The following TTF2 variants were observed in gnomAD, a reference collection of about 807,000 sequenced individuals.
TTF2 encodes transcription termination factor 2.
In TTF2, 108 loss-of-function variants were observed where a neutral mutation model predicts 142.4. The ratio of observed to expected loss-of-function variants is 0.76; its 90% CI spans 0.65 to 0.89. The LOEUF is 0.89. Among genes scored for constraint, TTF2 ranks in the 40% least tolerant of loss-of-function variants. The pLI is 0.00. For synonymous variants in TTF2, 483 were observed against 506.2 expected (o/e 0.95, Z 0.61); for missense variants, 1,327 against 1,379.8 (o/e 0.96, Z 0.61).
At position 117,101,364 on chromosome 1, in the gene TTF2, TG is replaced by T. The variant is rs936956129; in HGVS notation, c.3345-15del. 1 of 1,568,974 alleles carries T rather than the reference TG, an allele frequency of 6.4e-7. No homozygotes were observed. Among genetic ancestry groups the T allele is most frequent in the Non-Finnish European group, 8.6e-7 (1 of 1,167,056 alleles). ...GGTTTTTGATAGTTTGCTTATTTTT[TG>T]TTTTTGTTTTTTAGATTTGTTTGTG... On this transcript the variant is annotated splice_polypyrimidine_tract_variant and intron_variant, in intron 22 of 22. Coordinates refer to ENST00000369466, the MANE Select transcript of TTF2 (RefSeq NM_003594.4). The surrounding 1 kb of genome is among the most constrained non-coding windows in gnomAD (Gnocchi z 5.9).
In TTF2 at chr1:117,097,433, G is replaced by A. The variant is rs2101221308; in HGVS notation, c.3269G>A (p.Trp1090Ter). The change falls in exon 21 of 23, where the codon TGG (tryptophan) becomes TAG (stop). Residue 1090 changes from tryptophan (W) to a stop codon, truncating the protein, a stop_gained and splice_region_variant. Transcript: ENST00000369466. LOFTEE classifies it high-confidence loss of function. The surrounding 1 kb of genome is among the most constrained non-coding windows in gnomAD (Gnocchi z 4.1). ...GNHLFLLDMH[W>*]NPSLEDQACD... ...CACCTCTTTCTTTTGGACATGCACT[G>A]GTAATGATTCCGGATTTGTCCTGGG... 4 of 1,614,126 alleles carry A rather than the reference G, an allele frequency of 2.5e-6. No homozygotes were observed. The highest frequency in any genetic ancestry group is 3.4e-6 in the Non-Finnish European group (4 of 1,179,994).
At position 117,106,517 on chromosome 1, in the gene TTF2, G is replaced by A. The variant is rs1347354146; in HGVS notation, c.*4993G>A. 6.6e-6 allele frequency: 1 copy of A among 152,158 alleles called. No individual in the cohort carries two copies. Among genetic ancestry groups the A allele is most frequent in the African/African-American group, 2.4e-5 (1 of 41,428 alleles). 9.4% of individuals were successfully genotyped at this position (152,158 alleles called of 1,614,324 possible). On this transcript the variant is annotated 3_prime_UTR_variant, in exon 23 of 23. Transcript: ENST00000369466. ...TATATGCCAGGCACTGCTGGGCACT[G>A]GAAATATAAAAGTAAGCAAAAATGA...
intron 11 of TTF2, among the ~76,000 whole-genome samples, chr1:117,084,711 A>G (rs1389853302): frequency 2.0e-5 from 3 of 152,200 alleles, no homozygotes; most frequent in Non-Finnish European, 4.4e-5. Context: ...GCTTCCCCAC[A>G]TGGCAATCTT....
At chr1:117,067,608 A>G (rs1656247085) in intron 3 of TTF2, among the ~76,000 whole-genome samples, 2 of 152,082 alleles carry the variant, frequency 1.3e-5, no homozygotes, top group South Asian at 4.1e-4. Flanking sequence ...ATTAAAAAAC[A>G]ATAACAACAG....
rs1279312446 is a variant in TTF2, at chr1:117,087,994, T to TA, written c.2161-806dup. Among the ~76,000 whole-genome samples, 6 of 152,254 alleles carry TA rather than the reference T, an allele frequency of 3.9e-5. No individual in the cohort carries two copies. Among genetic ancestry groups the TA allele is most frequent in the African/African-American group, 1.4e-4 (6 of 41,474 alleles). ...AGGTATTGAACTAGCCAGTGGGACTTACTATATCTATATCGTATTGTAATT... is the reference window on the plus strand; with the variant it reads ...AGGTATTGAACTAGCCAGTGGGACTTAACTATATCTATATCGTATTGTAATT... On this transcript the variant is annotated intron_variant, in intron 12 of 22. Transcript: ENST00000369466. The surrounding 1 kb of genome is among the most constrained non-coding windows in gnomAD (Gnocchi z 4.8).
In TTF2 at chr1:117,079,526, A is replaced by G; in HGVS notation, c.1702-42A>G. On this transcript the variant is annotated intron_variant, in intron 8 of 22. Transcript: ENST00000369466. The surrounding 1 kb of genome is among the most constrained non-coding windows in gnomAD (Gnocchi z 4.2). ...GTAGCCAGGCTCGGCATAGCCTCTC[A>G]TTAGGAATTTATGCTTAGCATTTGG... is the stretch of plus-strand genomic sequence containing the variant. 6.3e-7 allele frequency: 1 copy of G among 1,598,206 alleles called. No individual in the cohort carries two copies. The highest frequency in any genetic ancestry group is 8.6e-7 in the Non-Finnish European group (1 of 1,165,516).
chr1:117,068,642 CAT>C (rs943092356), intron 3 of TTF2, among the ~76,000 whole-genome samples: 1 of 149,732 alleles, frequency 6.7e-6, no homozygotes, highest in African/African-American at 2.4e-5. Context: ...TGAAACTTCA[CAT>C]GTCTAGAAAA....
Position 117,097,504 on chromosome 1 carries a change from G to T in TTF2, c.3269+71G>T. On this transcript the variant is annotated intron_variant, in intron 21 of 22. Transcript: ENST00000369466. This position sits in a 1 kb window ranked among gnomAD's most constrained non-coding sequence, Gnocchi z 4.1. ...GGCCAGTGGGCTACAGGGGCAGCAA[G>T]AACTGACTTCTTATGTTGATTGCTG... The T allele has an allele frequency of 7.3e-7, 1 of 1,362,730 alleles. No individual in the cohort carries two copies. The highest frequency in any genetic ancestry group is 1.1e-6 in the Non-Finnish European group (1 of 951,190). 84.4% of individuals were successfully genotyped at this position (1,362,730 alleles called of 1,614,324 possible).
chr1:117,092,799 G>A lies in TTF2; in HGVS notation c.2874G>A (p.Leu958=), dbSNP rs1267633491. The A allele has an allele frequency of 3.7e-6, 6 of 1,614,056 alleles. No individual in the cohort carries two copies. The highest frequency in any genetic ancestry group is 5.1e-6 in the Non-Finnish European group (6 of 1,180,040). ...VLSLEEQLSA[L]TLSELRDSEP... is the part of the protein sequence containing the mutation. Reference sequence around the variant, plus strand: ...CCCTGGAAGAACAGCTCAGTGCTTTGACCTTGTCAGAACTCCGTGACTCAG... The same window carrying A: ...CCCTGGAAGAACAGCTCAGTGCTTTAACCTTGTCAGAACTCCGTGACTCAG... Residue 958 remains leucine, a synonymous_variant, in exon 18 of 23, where the codon TTG becomes TTA. Transcript: ENST00000369466. The surrounding 1 kb of genome is among the most constrained non-coding windows in gnomAD (Gnocchi z 4.4).
At chr1:117,091,449 A>C in intron 16 of TTF2, 39 bp downstream of exon 16, 2 of 1,562,992 alleles carry the variant, frequency 1.3e-6, no homozygotes, top group East Asian at 4.5e-5. Context: ...ATGACTGGTG[A>C]AAATGGGGAT....
intron 18 of TTF2, among the ~76,000 whole-genome samples, chr1:117,094,179 C>T (rs994331491): frequency 5.3e-5 from 8 of 152,214 alleles, no homozygotes; most frequent in Admixed American, 1.3e-4. Flanking sequence ...GTGGTGACCA[C>T]TGTAATGACA....
At chr1:117,083,639 C>G (rs1399712591) in intron 10 of TTF2, among the ~76,000 whole-genome samples, 2 of 152,162 alleles carry the variant, frequency 1.3e-5, no homozygotes, top group African/African-American at 4.8e-5. Flanking sequence ...TTTCCTCCCC[C>G]TGTTTAGCCT....
At chr1:117,081,973 G>A in intron 10 of TTF2, 26 bp downstream of exon 10, 1 of 1,613,702 alleles carries the variant, frequency 6.2e-7, no homozygotes, top group Non-Finnish European at 8.5e-7. Context: ...TTAATAGCCT[G>A]CCATTCCCTA....
Position 117,060,370 on chromosome 1 carries a change from G to A in TTF2, c.24G>A (p.Glu8=). MEEVRCP[E]HGTFCFLKTG... is the part of the protein sequence containing the mutation. Reference sequence around the variant, plus strand: ...AAATGGAAGAAGTTAGGTGTCCAGAGCACGGTAAGGGGCTAGGGTCTCAGC... The same window carrying A: ...AAATGGAAGAAGTTAGGTGTCCAGAACACGGTAAGGGGCTAGGGTCTCAGC... Residue 8 remains glutamate (E), a synonymous_variant, in exon 1 of 23, where the codon GAG becomes GAA. Transcript: ENST00000369466. 6.2e-7 allele frequency: 1 copy of A among 1,605,882 alleles called. No individual in the cohort carries two copies. The highest frequency in any genetic ancestry group is 2.2e-5 in the East Asian group (1 of 44,720).
chr1:117,092,993 G>GC lies in TTF2; in HGVS notation c.2976+94dup, dbSNP rs1648746020. On this transcript the variant is annotated intron_variant, in intron 18 of 22. Transcript: ENST00000369466. The surrounding 1 kb of genome is among the most constrained non-coding windows in gnomAD (Gnocchi z 4.4). ...CACTTCATTTGTCCAAGTGGGAACA[G>GC]CCATTTGCCAGCAGAGCTAGAGCCG... 1 of 1,447,974 alleles carries GC rather than the reference G, an allele frequency of 6.9e-7. No homozygotes were observed. The highest frequency in any genetic ancestry group is 9.5e-7 in the Non-Finnish European group (1 of 1,052,458). 89.7% of individuals were successfully genotyped at this position (1,447,974 alleles called of 1,614,324 possible). A position where few individuals can be genotyped will look rare whatever the true frequency, so the allele number is the denominator to read the frequency against.
Position 117,093,586 on chromosome 1 carries a change from A to G in TTF2, c.2976+685A>G, listed in dbSNP as rs943114781. On this transcript the variant is annotated intron_variant, in intron 18 of 22. Transcript: ENST00000369466. This position sits in a 1 kb window ranked among gnomAD's most constrained non-coding sequence, Gnocchi z 4.5. ...TTTTTGAAAAAGTGTATTAATAACTAGAAAGGTCACTTCCAGGGGAATGGC... is the reference window on the plus strand; with the variant it reads ...TTTTTGAAAAAGTGTATTAATAACTGGAAAGGTCACTTCCAGGGGAATGGC... Among the ~76,000 whole-genome samples the G allele has an allele frequency of 8.5e-5, 13 of 152,184 alleles. No homozygotes were observed. Among genetic ancestry groups the G allele is most frequent in the Non-Finnish European group, 1.8e-4 (12 of 68,034 alleles).
At position 117,102,692 on chromosome 1, in the gene TTF2, T is replaced by C. The variant is rs938031044; in HGVS notation, c.*1168T>C. ...TAGCATTTAGTATCATTGTTTCATTTAGTATTTGGTACAATCTAATAAATA... is the reference window on the plus strand; with the variant it reads ...TAGCATTTAGTATCATTGTTTCATTCAGTATTTGGTACAATCTAATAAATA... On this transcript the variant is annotated 3_prime_UTR_variant, in exon 23 of 23. Coordinates refer to ENST00000369466, the MANE Select transcript of TTF2 (RefSeq NM_003594.4). 3 of 152,242 alleles carry C rather than the reference T, an allele frequency of 2.0e-5. No homozygotes were observed. Among genetic ancestry groups the C allele is most frequent in the African/African-American group, 7.2e-5 (3 of 41,464 alleles). The allele number at this position is 152,242 out of a possible 1,614,324, so 9.4% of individuals were successfully genotyped here.
At position 117,090,393 on chromosome 1, in the gene TTF2, G is replaced by T. The variant is rs944553618; in HGVS notation, c.2497-139G>T. The T allele has an allele frequency of 4.5e-6, 5 of 1,111,078 alleles. No individual in the cohort carries two copies. In the African/African-American group the frequency reaches 6.3e-5, roughly 14 times the overall value. The allele number at this position is 1,111,078 out of a possible 1,614,324, so 68.8% of individuals were successfully genotyped here. On this transcript the variant is annotated intron_variant, in intron 14 of 22. Coordinates refer to ENST00000369466, the MANE Select transcript of TTF2 (RefSeq NM_003594.4). The surrounding 1 kb of genome is among the most constrained non-coding windows in gnomAD (Gnocchi z 4.8). Reference sequence around the variant, plus strand: ...AGCAATCCAGTTGTACTGTATGTTGGAGCAGTCCTGTGTCTAAGAAAGGGT... The same window carrying T: ...AGCAATCCAGTTGTACTGTATGTTGTAGCAGTCCTGTGTCTAAGAAAGGGT...
chr1:117,098,775 G>C (rs1649361012), intron 21 of TTF2, 58 bp from the exon 22 acceptor site: 1 of 1,520,952 alleles, frequency 6.6e-7, no homozygotes, highest in African/African-American at 1.4e-5. Flanking sequence ...ATGGCCCATA[G>C]TTTGCCATTT....
Sources: allele counts gnomAD v4.1 joint callset (sites outside exome capture counted in the v4.1 genomes callset), GRCh38; gene constraint gnomAD v4.1.1; non-coding constraint Gnocchi (gnomAD v3.1); transcripts MANE v1.5; gene names NCBI Gene and HGNC (gene_info 2026-07-23, HGNC 2026-07-21).